Variants in LSR observed in about 807,000 individuals in gnomAD.
LSR encodes lipolysis-stimulated lipoprotein receptor.
A neutral mutation model predicts 61.8 loss-of-function variants in LSR; 44 were observed. The ratio of observed to expected loss-of-function variants is 0.71; its 90% confidence interval spans 0.56 to 0.91. The LOEUF (loss-of-function observed/expected upper bound fraction) is 0.91. LSR is among the 40% of genes least tolerant of loss of function. LSR has a pLI of 0.00. For missense variants in LSR, 911 were observed against 830.5 expected, an observed-to-expected ratio of 1.10 and a Z score of -1.19; for synonymous variants, 397 against 350.6, an observed-to-expected ratio of 1.13 and a Z score of -1.48.
intron 1 of LSR, among the ~76,000 whole-genome samples, chr19:35,250,070 G>A (rs1044402163): frequency 9.2e-5 from 14 of 152,154 alleles, no homozygotes; most frequent in Non-Finnish European, 1.6e-4. Context: ...TGGGAAGAGG[G>A]ATGGCGGGCG....
At position 35,266,981 on chromosome 19, in the gene LSR, T is replaced by C. The variant is rs1186103941; in HGVS notation, c.1144+14T>C. 2 of 1,603,780 alleles carry C rather than the reference T, an allele frequency of 1.2e-6. No homozygotes were observed. The highest frequency in any genetic ancestry group is 2.7e-5 in the African/African-American group (2 of 74,454). Reference sequence around the variant, plus strand: ...GTGTGGAGCGGGGTAAGCAGGAGCCTTGGGGTCTGAGGGCTTTTAAGGTGG... The same window carrying C: ...GTGTGGAGCGGGGTAAGCAGGAGCCCTGGGGTCTGAGGGCTTTTAAGGTGG... On this transcript the variant is annotated intron_variant, in intron 8 of 9. Coordinates refer to ENST00000605618, the MANE Select transcript of LSR (RefSeq NM_205834.4).
intron 5 of LSR, chr19:35,262,955 T>C (rs2065950089): frequency 4.6e-6 from 2 of 439,008 alleles, no homozygotes; most frequent in Non-Finnish European, 8.1e-6. Context: ...CAGTACAAGA[T>C]ACTAGTCACA....
At chr19:35,267,004 T>TG (rs745881217) in intron 8 of LSR, 37 bp downstream of exon 8, 455 of 1,585,762 alleles carry the variant, frequency 2.9e-4, no homozygotes, top group Admixed American at 7.8e-4. Flanking sequence ...GCTTTTAAGG[T>TG]GGGGGGGTGA....
chr19:35,261,172 G>C (rs1475447887), intron 3 of LSR, among the ~76,000 whole-genome samples: 1 of 152,154 alleles, frequency 6.6e-6, no homozygotes, highest in East Asian at 1.9e-4. Flanking sequence ...GGGAAGACAA[G>C]AACCGGCTCT....
chr19:35,255,915 T>C (rs76362642), intron 2 of LSR, among the ~76,000 whole-genome samples: 1,575 of 152,096 alleles, frequency 0.01, 22 homozygotes, highest in African/African-American at 0.036. Context: ...TTAGGCCTCT[T>C]TTATATTCTT....
intron 5 of LSR, among the ~76,000 whole-genome samples, chr19:35,265,629 G>A (rs2065986966): frequency 7.5e-6 from 1 of 132,908 alleles, no homozygotes; most frequent in Non-Finnish European, 1.6e-5. Context: ...CAAGCCTCTT[G>A]CCCTAGGGAG....
Position 35,249,076 on chromosome 19 carries a change from C to G in LSR, c.54C>G (p.Ala18=). ...LSRGLGSHPA[A]AGRDAVVFVW... Reference sequence around the variant, plus strand: ...GAGGGCTGGGCTCCCACCCGGCCGCCGCAGGCCGGGACGCGGTCGTCTTCG... The same window carrying G: ...GAGGGCTGGGCTCCCACCCGGCCGCGGCAGGCCGGGACGCGGTCGTCTTCG... The change falls in exon 1 of 10, where the codon GCC becomes GCG. Residue 18 remains alanine, a synonymous_variant. Coordinates refer to ENST00000605618, the MANE Select transcript of LSR (RefSeq NM_205834.4). 1.3e-6 allele frequency: 2 copies of G among 1,563,014 alleles called. No homozygotes were observed. The highest frequency in any genetic ancestry group is 1.7e-6 in the Non-Finnish European group (2 of 1,155,454).
Position 35,249,127 on chromosome 19 carries a change from C to T in LSR, c.105C>T (p.Cys35=), listed in dbSNP as rs780976727. The T allele has an allele frequency of 1.9e-6, 3 of 1,540,390 alleles. No individual in the cohort carries two copies. Among genetic ancestry groups the T allele is most frequent in the South Asian group, 2.4e-5 (2 of 82,878 alleles). ...VFVWLLLSTW[C]TAPARAIQVT... ...TGTGGCTTCTGCTTAGCACCTGGTG[C>T]ACAGGTACGGGGCACGGGGCCTCTG... Residue 35 remains cysteine, a synonymous_variant, in exon 1 of 10, where the codon TGC becomes TGT. Transcript: ENST00000605618.
intron 5 of LSR, among the ~76,000 whole-genome samples, chr19:35,265,712 G>A (rs1161820494): frequency 6.6e-6 from 1 of 152,142 alleles, no homozygotes; most frequent in Non-Finnish European, 1.5e-5. Flanking sequence ...AATGGGTGCA[G>A]TCCATGAGTT....
intron 5 of LSR, chr19:35,262,952 AG>A (rs1297660291): frequency 8.6e-6 from 4 of 464,272 alleles, no homozygotes; most frequent in Non-Finnish European, 1.5e-5. Flanking sequence ...CAACAGTACA[AG>A]ATACTAGTCA....
At position 35,250,384 on chromosome 19, in the gene LSR, C is replaced by G. The variant is rs747326286; in HGVS notation, c.179C>G (p.Thr60Ser). 1.2e-6 allele frequency: 2 copies of G among 1,605,932 alleles called. No homozygotes were observed. Among genetic ancestry groups the G allele is most frequent in the Non-Finnish European group, 1.7e-6 (2 of 1,174,514 alleles). Residue 60 changes from threonine to serine, a missense_variant, in exon 2 of 10, where the codon ACC becomes AGC. By Grantham distance (58) the Thr-to-Ser change is moderately conservative (BLOSUM62 1). Transcript: ENST00000605618. ...YHVVILFQPV[T>S]LPCTYQMTST... ...GTGGTGATCCTCTTCCAGCCTGTGA[C>G]CCTGCCCTGTACCTACCAGATGACC...
chr19:35,256,233 CAAA>C (rs201712887), intron 2 of LSR, among the ~76,000 whole-genome samples: 3 of 102,704 alleles, frequency 2.9e-5, no homozygotes, highest in Non-Finnish European at 4.0e-5. Context: ...GACTCCATCT[CAAA>C]AAAAAAAAAA....
intron 2 of LSR, among the ~76,000 whole-genome samples, 159 bp downstream of exon 2, chr19:35,250,818 T>TG (rs1263976982): frequency 6.9e-6 from 1 of 144,964 alleles, no homozygotes; most frequent in Non-Finnish European, 1.5e-5. Flanking sequence ...TTTTTGAAGA[T>TG]GGAGTCTTGC....
At chr19:35,261,385 T>G (rs938300314) in intron 3 of LSR, among the ~76,000 whole-genome samples, 4 of 152,202 alleles carry the variant, frequency 2.6e-5, no homozygotes, top group Admixed American at 2.6e-4. Flanking sequence ...AAAGTAAAAT[T>G]AAACCATTTC....
rs1001624856 is a variant in LSR at position 35,250,730 on chromosome 19, C to T, written c.454+71C>T. ...GTGGGACTGGCGTCCTTGTGCGGGA[C>T]CTGGAGTCCCCATCTGAAAGCTCTT... On this transcript the variant is annotated intron_variant, in intron 2 of 9. Coordinates refer to ENST00000605618, the MANE Select transcript of LSR (RefSeq NM_205834.4). 3.2e-5 allele frequency: 39 copies of T among 1,211,654 alleles called. No individual in the cohort carries two copies. The Middle Eastern group carries it at 8.6e-4, about 27-fold the overall frequency. 75.1% of individuals were successfully genotyped at this position (1,211,654 alleles called of 1,614,324 possible). A position where few individuals can be genotyped will look rare whatever the true frequency, so the allele number is the denominator to read the frequency against.
chr19:35,267,291 G>A lies in LSR; in HGVS notation c.1327G>A (p.Ala443Thr). The stretch of plus-strand genomic sequence containing the variant: ...GGGCTGGCGGGCCAGGCGGCCCCGG[G>A]CCCGCTCCGTGGACGCCCTGGACGA... ...GGGWRARRPRARSVDALDDLT... is the reference protein window; with the variant it reads ...GGGWRARRPRTRSVDALDDLT... The change falls in exon 9 of 10, where the codon GCC becomes ACC. Residue 443 changes from alanine to threonine, a missense_variant. Ala to Thr is a moderately conservative substitution (Grantham distance 58). Transcript: ENST00000605618. 3.3e-6 allele frequency: 5 copies of A among 1,533,078 alleles called. No individual in the cohort carries two copies. The highest frequency in any genetic ancestry group is 4.4e-6 in the Non-Finnish European group (5 of 1,138,898). The allele number at this position is 1,533,078 out of a possible 1,614,324, so 95.0% of individuals were successfully genotyped here.
At chr19:35,260,160 C>T (rs2065908245) in intron 3 of LSR, among the ~76,000 whole-genome samples, 3 of 152,108 alleles carry the variant, frequency 2.0e-5, no homozygotes, top group Non-Finnish European at 2.9e-5. Context: ...TCAGCAGTTC[C>T]CAAAATTAGT....
intron 5 of LSR, among the ~76,000 whole-genome samples, chr19:35,263,534 T>C (rs1343526100): frequency 6.6e-6 from 1 of 152,094 alleles, no homozygotes; most frequent in Non-Finnish European, 1.5e-5. Context: ...TTTTTGATTT[T>C]TGTTTTTTGT....
Position 35,267,698 on chromosome 19 carries a change from C to G in LSR, c.1734C>G (p.Thr578=). 4.4e-6 allele frequency: 7 copies of G among 1,603,532 alleles called. No individual in the cohort carries two copies. The highest frequency in any genetic ancestry group is 1.1e-5 in the South Asian group (1 of 90,570). Residue 578 remains threonine (T), a synonymous_variant, in exon 9 of 10, where the codon ACC becomes ACG. Coordinates refer to ENST00000605618, the MANE Select transcript of LSR (RefSeq NM_205834.4). ...CCGCGCCGCCCCCGTACTCGGAGAC[C>G]GACTCGCAGGCGTCCCGAGAGCGCA... The part of the protein sequence containing the change: ...YPPAPPPYSE[T]DSQASRERRL...
Sources: allele counts gnomAD v4.1 joint callset (sites outside exome capture counted in the v4.1 genomes callset), GRCh38; gene constraint gnomAD v4.1.1; transcripts MANE v1.5; gene names NCBI Gene and HGNC (gene_info 2026-07-23, HGNC 2026-07-21).